Variants in FAT1 observed in about 807,000 individuals in gnomAD.
FAT1 encodes FAT atypical cadherin 1.
FAT1 carries 171 observed loss-of-function variants against 329.8 expected under a neutral mutation model. That is an observed-to-expected ratio of 0.52 (90% confidence interval 0.46 to 0.59). The LOEUF is 0.59. Ranked by LOEUF, FAT1 falls within the 20% of genes least tolerant of loss-of-function variation. The pLI is 0.00. For synonymous variants in FAT1, 2,233 were observed against 2,228.6 expected (o/e 1.00, Z -0.06); for missense variants, 5,672 against 5,774.4 (o/e 0.98, Z 0.57).
chr4:186,652,215 A>AT (rs1741700727), intron 3 of FAT1, among the ~76,000 whole-genome samples: 1 of 152,238 alleles, frequency 6.6e-6, no homozygotes, highest in Non-Finnish European at 1.5e-5. Context: ...TTTACAGGGA[A>AT]TTGCCTTCAG....
rs974142708 is a variant in FAT1 at position 186,707,570 on chromosome 4, A to G, written c.2258T>C (p.Val753Ala). 6.2e-7 allele frequency: 1 copy of G among 1,613,876 alleles called. No homozygotes were observed. The highest frequency in any genetic ancestry group is 1.3e-5 in the African/African-American group (1 of 74,916). ...DLDTGFNGKLVYAVSGGNEDS... is the reference protein window; with the variant it reads ...DLDTGFNGKLAYAVSGGNEDS... Reference sequence around the variant, plus strand: ...CTCATTTCCTCCAGAAACAGCATAGACCAGTTTTCCATTGAAGCCAGTGTC... The same window carrying G: ...CTCATTTCCTCCAGAAACAGCATAGGCCAGTTTTCCATTGAAGCCAGTGTC... Residue 753 changes from valine (V) to alanine (A), a missense_variant, in exon 2 of 27, where the codon GTC becomes GCC. Transcript: ENST00000441802.
rs767859126 is a variant in FAT1 at position 186,706,724 on chromosome 4, G to C, written c.3104C>G (p.Ser1035Cys). The part of the protein sequence containing the change: ...VNENLHPPVF[S>C]SFVEKGTVKE... ...CACTGTCCCCTTTTCCACAAAGCTG[G>C]AAAACACGGGTGGGTGCAGGTTCTC... The change falls in exon 2 of 27, where the codon TCC becomes TGC. Residue 1035 changes from serine (S) to cysteine (C), a missense_variant. Ser to Cys is a moderately radical substitution (Grantham distance 112). Transcript: ENST00000441802. 1 of 1,613,934 alleles carries C rather than the reference G, an allele frequency of 6.2e-7. No individual in the cohort carries two copies. Among genetic ancestry groups the C allele is most frequent in the East Asian group, 2.2e-5 (1 of 44,860 alleles).
intron 4 of FAT1, among the ~76,000 whole-genome samples, chr4:186,637,825 C>T (rs1263950169): frequency 6.6e-5 from 10 of 152,302 alleles, no homozygotes; most frequent in Admixed American, 5.9e-4. Context: ...GTTGTAAACC[C>T]TGTTTATTAA....
chr4:186,603,114 A>T (rs1273815493), intron 19 of FAT1, 62 bp downstream of exon 19: 14 of 1,608,258 alleles, frequency 8.7e-6, no homozygotes, highest in Non-Finnish European at 1.1e-5. Context: ...TAGCCATCAA[A>T]GGCTTCAAAG....
At chr4:186,720,817 G>A (rs1003003278) in intron 1 of FAT1, among the ~76,000 whole-genome samples, 1 of 152,240 alleles carries the variant, frequency 6.6e-6, no homozygotes, top group African/African-American at 2.4e-5. Context: ...CGTTAAGAGT[G>A]AGAAATGTGA....
In FAT1 at chr4:186,613,263, T is replaced by G. The variant is rs771332300; in HGVS notation, c.9309A>C (p.Gly3103=). Residue 3103 remains glycine (G), a synonymous_variant, in exon 13 of 27, where the codon GGA becomes GGC. Coordinates refer to ENST00000441802, the MANE Select transcript of FAT1 (RefSeq NM_005245.4). The part of the protein sequence containing the change: ...YHLLVRATDG[G]GRFCQASIVL... ...CAATACTGGCTTGGCAGAATCTTCCTCCTCCATCTGTGGCCCTGACGAGAA... is the reference window on the plus strand; with the variant it reads ...CAATACTGGCTTGGCAGAATCTTCCGCCTCCATCTGTGGCCCTGACGAGAA... 2.5e-6 allele frequency: 4 copies of G among 1,613,974 alleles called. No homozygotes were observed. The South Asian group carries it at 3.3e-5, about 13-fold the overall frequency.
At chr4:186,634,829 G>GCATGGAAAGCAAGCA (rs1740755582) in intron 6 of FAT1, among the ~76,000 whole-genome samples, 1 of 152,194 alleles carries the variant, frequency 6.6e-6, no homozygotes, top group Non-Finnish European at 1.5e-5. Context: ...AGAAGCAAGC[G>GCATGGAAAGCAAGCA]CGCATGGAAA....
rs545138363 is a variant in FAT1 at position 186,618,937 on chromosome 4, G to C, written c.7649C>G (p.Thr2550Ser). The C allele has an allele frequency of 6.2e-7, 1 of 1,613,932 alleles. No homozygotes were observed. Among genetic ancestry groups the C allele is most frequent in the Non-Finnish European group, 8.5e-7 (1 of 1,179,890 alleles). ...GGTTTCTCGATCAAGTTTTTCCAAA[G>C]TAAATATCTGTCCTCTCTCATTTAT... The part of the protein sequence containing the change: ...FYINERGQIF[T>S]LEKLDRETPA... Residue 2550 changes from threonine to serine, a missense_variant, in exon 10 of 27, where the codon ACT becomes AGT. Around this residue, in one of 2 missense-constraint regions of FAT1, gnomAD observed 3,966 missense variants for 3,915.2 expected, o/e 1.01. Coordinates refer to ENST00000441802, the MANE Select transcript of FAT1 (RefSeq NM_005245.4).
At chr4:186,664,858 C>T (rs113365624) in intron 2 of FAT1, among the ~76,000 whole-genome samples, 7 of 152,250 alleles carry the variant, frequency 4.6e-5, no homozygotes, top group African/African-American at 9.6e-5. Context: ...TCCCGTTAAA[C>T]GCAAACTACT....
chr4:186,697,248 C>A (rs1744081524), intron 2 of FAT1, among the ~76,000 whole-genome samples: 1 of 152,256 alleles, frequency 6.6e-6, no homozygotes, highest in African/African-American at 2.4e-5. Flanking sequence ...TTGGACAACA[C>A]GAGTTTGAAC....
chr4:186,717,400 A>ATG (rs1426092670), intron 1 of FAT1, among the ~76,000 whole-genome samples: 1 of 152,194 alleles, frequency 6.6e-6, no homozygotes, highest in Non-Finnish European at 1.5e-5. Context: ...CTCCATTTAT[A>ATG]TGTTGTTATC....
In FAT1 at chr4:186,588,517, C is replaced by T; in HGVS notation, c.*75G>A. 1 of 1,506,194 alleles carries T rather than the reference C, an allele frequency of 6.6e-7. No homozygotes were observed. The highest frequency in any genetic ancestry group is 8.8e-7 in the Non-Finnish European group (1 of 1,130,328). 93.3% of individuals were successfully genotyped at this position (1,506,194 alleles called of 1,614,324 possible). On this transcript the variant is annotated 3_prime_UTR_variant, in exon 27 of 27. Transcript: ENST00000441802. Reference sequence around the variant, plus strand: ...CACCAAAAAAAGCTTGGAAGCACTGCTGCAAAGAACAGCGCGGATTACTCA... The same window carrying T: ...CACCAAAAAAAGCTTGGAAGCACTGTTGCAAAGAACAGCGCGGATTACTCA...
intron 26 of FAT1, chr4:186,590,336 G>T (rs765078980): frequency 1.6e-6 from 2 of 1,273,614 alleles, no homozygotes; most frequent in African/African-American, 3.1e-5. Context: ...TTTTTAGTGA[G>T]TATCAATGAA....
At chr4:186,598,865 C>T (rs1387345976) in intron 22 of FAT1, 1 of 152,380 alleles carries the variant, frequency 6.6e-6, no homozygotes, top group Non-Finnish European at 1.5e-5. Context: ...TGTCAAGTGA[C>T]AGGTGGTGTG....
chr4:186,655,550 T>C (rs2126603275), intron 3 of FAT1, among the ~76,000 whole-genome samples: 1 of 152,158 alleles, frequency 6.6e-6, no homozygotes, highest in South Asian at 2.1e-4. Flanking sequence ...TTCTCATGCC[T>C]CAGCCTCCCA....
rs2126695571 is a variant in FAT1 at position 186,708,324 on chromosome 4, T to C, written c.1504A>G (p.Ile502Val). 8 of 1,613,974 alleles carry C rather than the reference T, an allele frequency of 5.0e-6. No homozygotes were observed. The highest frequency in any genetic ancestry group is 6.8e-6 in the Non-Finnish European group (8 of 1,179,862). Residue 502 changes from isoleucine (I) to valine (V), a missense_variant, in exon 2 of 27, where the codon ATC (isoleucine) becomes GTC (valine). Physicochemically the swap from Ile to Val is conservative, Grantham distance 29 (BLOSUM62 3). Coordinates refer to ENST00000441802, the MANE Select transcript of FAT1 (RefSeq NM_005245.4). ...EGENGYVTYS[I>V]ANLNHVPFAI... ...AACGGCACATGATTTAAATTTGCGA[T>C]ACTGTATGTCACGTACCCGTTCTCA... is the stretch of plus-strand genomic sequence containing the variant.
At chr4:186,650,369 C>G (rs1359741824) in intron 3 of FAT1, among the ~76,000 whole-genome samples, 2 of 152,150 alleles carry the variant, frequency 1.3e-5, no homozygotes, top group Non-Finnish European at 2.9e-5. Context: ...CTTAGTAACT[C>G]TATTAATAAT....
At chr4:186,720,307 C>T (rs1745410068) in intron 1 of FAT1, among the ~76,000 whole-genome samples, 1 of 152,200 alleles carries the variant, frequency 6.6e-6, no homozygotes, top group South Asian at 2.1e-4. Flanking sequence ...TTAACCTCTG[C>T]CTCATAAAAA....
In FAT1 at chr4:186,708,584, T is replaced by C. The variant is rs1744769667; in HGVS notation, c.1244A>G (p.Tyr415Cys). ...TPGKAKFSLN[Y>C]NTGLISILEP... ...TAAAATAGAAATGAGACCAGTGTTG[T>C]AATTTAAACTGAATTTAGCTTTTCC... The change falls in exon 2 of 27, where the codon TAC (tyrosine) becomes TGC (cysteine). Residue 415 changes from tyrosine to cysteine, a missense_variant. By Grantham distance (194) the Tyr-to-Cys change is radical. Transcript: ENST00000441802. 2 of 1,614,010 alleles carry C rather than the reference T, an allele frequency of 1.2e-6. No homozygotes were observed. Among genetic ancestry groups the C allele is most frequent in the Non-Finnish European group, 8.5e-7 (1 of 1,179,886 alleles).
Sources: allele counts gnomAD v4.1 joint callset (sites outside exome capture counted in the v4.1 genomes callset), GRCh38; gene constraint gnomAD v4.1.1; regional missense constraint gnomAD v4.1.1; transcripts MANE v1.5; gene names NCBI Gene and HGNC (gene_info 2026-07-23, HGNC 2026-07-21).